The following CDC42EP2 variants were observed in gnomAD, a reference collection of about 807,000 sequenced individuals.
CDC42EP2 encodes CDC42 effector protein (Rho GTPase binding) 2.
CDC42EP2 carries 5 observed loss-of-function variants against 7.3 expected under a neutral mutation model. That is an observed-to-expected ratio of 0.68 (90% confidence interval 0.36 to 1.44). The LOEUF is 1.44. Among genes scored for constraint, CDC42EP2 ranks in the 40% most tolerant of loss-of-function variants. The pLI, the probability that CDC42EP2 is intolerant of heterozygous loss-of-function variation, is 0.04. For missense variants in CDC42EP2, 251 were observed against 282.6 expected, an observed-to-expected ratio of 0.89 and a Z score of 0.80; for synonymous variants, 113 against 123.6, an observed-to-expected ratio of 0.91 and a Z score of 0.57.
At chr11:65,320,437 C>T (rs551402485) in intron 1 of CDC42EP2, 107 bp from the exon 2 acceptor site, 2 of 159,332 alleles carry the variant, frequency 1.3e-5, no homozygotes, top group East Asian at 3.6e-4. Flanking sequence ...CGCCACTGCA[C>T]TCCAGCCTGG....
At position 65,321,756 on chromosome 11, in the gene CDC42EP2, C is replaced by T; in HGVS notation, c.*225C>T. On this transcript the variant is annotated 3_prime_UTR_variant, in exon 2 of 2. Coordinates refer to ENST00000279249, the MANE Select transcript of CDC42EP2 (RefSeq NM_006779.4). The surrounding 1 kb of genome is among the most constrained non-coding windows in gnomAD (Gnocchi z 4.4). ...CCACATGGACACATCCTGAAGTCAG[C>T]CCAGGCGCCCTGAGCATCTTGGGGC... The T allele has an allele frequency of 2.0e-6, 1 of 507,186 alleles. No homozygotes were observed. 31.4% of individuals were successfully genotyped at this position (507,186 alleles called of 1,614,324 possible).
At chr11:65,318,652 T>C (rs1365192707) in intron 1 of CDC42EP2, among the ~76,000 whole-genome samples, 1 of 151,850 alleles carries the variant, frequency 6.6e-6, no homozygotes, top group East Asian at 1.9e-4. Context: ...CTCGATCTCC[T>C]GACCTCATGA....
rs11333656 is a variant in CDC42EP2, at chr11:65,318,868, C to CTTTTTTTTTTT, written c.-355-1647_-355-1637dup. On this transcript the variant is annotated intron_variant, in intron 1 of 1. Transcript: ENST00000279249. ...TACAGAAGTGAGCCACTGCACCTGA[C>CTTTTTTTTTTT]TTTTTTTTTTTTTTTTTTTTTTTTT... Among the ~76,000 whole-genome samples the CTTTTTTTTTTT allele has an allele frequency of 8.2e-4, 21 of 25,580 alleles. 9 individuals carry two copies. Among genetic ancestry groups the CTTTTTTTTTTT allele is most frequent in the Non-Finnish European group, 1.3e-3 (16 of 12,460 alleles). The allele number at this position is 25,580 out of a possible 152,430, so 16.8% of individuals were successfully genotyped here. A position where few individuals can be genotyped will look rare whatever the true frequency, so the allele number is the denominator to read the frequency against.
rs1242356730 is a variant in CDC42EP2 at position 65,321,605 on chromosome 11, G to A, written c.*74G>A. The A allele has an allele frequency of 3.5e-6, 5 of 1,413,682 alleles. No individual in the cohort carries two copies. The Admixed American group carries it at 1.1e-4, about 31-fold the overall frequency. 87.6% of individuals were successfully genotyped at this position (1,413,682 alleles called of 1,614,324 possible). ...GTGGGGTGTGGACCCGGCCCTGGCGGCGGAGTCAGGGTCCCAAGATCCCAC... is the reference window on the plus strand; with the variant it reads ...GTGGGGTGTGGACCCGGCCCTGGCGACGGAGTCAGGGTCCCAAGATCCCAC... On this transcript the variant is annotated 3_prime_UTR_variant, in exon 2 of 2. Coordinates refer to ENST00000279249, the MANE Select transcript of CDC42EP2 (RefSeq NM_006779.4). The surrounding 1 kb of genome is among the most constrained non-coding windows in gnomAD (Gnocchi z 4.4).
chr11:65,318,144 G>C (rs1949956130), intron 1 of CDC42EP2, among the ~76,000 whole-genome samples: 1 of 151,600 alleles, frequency 6.6e-6, no homozygotes, highest in South Asian at 2.1e-4. Flanking sequence ...CACCCAGGCT[G>C]GAGTGCAGTG....
chr11:65,315,848 G>T lies in CDC42EP2; in HGVS notation c.-356+894G>T, dbSNP rs953962665. The stretch of plus-strand genomic sequence containing the variant: ...CTGCATCCTCGAGGTCTAGGAGGGC[G>T]GGAGGAGGTGGACGCCTGGGGTCAG... On this transcript the variant is annotated intron_variant, in intron 1 of 1. Transcript: ENST00000279249. The surrounding 1 kb of genome is among the most constrained non-coding windows in gnomAD (Gnocchi z 4.1). Among the ~76,000 whole-genome samples, 1 of 152,258 alleles carries T rather than the reference G, an allele frequency of 6.6e-6. No homozygotes were observed. The highest frequency in any genetic ancestry group is 2.4e-5 in the African/African-American group (1 of 41,472).
rs530654773 is a variant in CDC42EP2 at position 65,321,638 on chromosome 11, G to A, written c.*107G>A. The A allele has an allele frequency of 1.2e-5, 12 of 1,036,138 alleles. No individual in the cohort carries two copies. The South Asian group carries it at 1.4e-4, about 12-fold the overall frequency. 64.2% of individuals were successfully genotyped at this position (1,036,138 alleles called of 1,614,324 possible). On this transcript the variant is annotated 3_prime_UTR_variant, in exon 2 of 2. Transcript: ENST00000279249. This position sits in a 1 kb window ranked among gnomAD's most constrained non-coding sequence, Gnocchi z 4.4. Reference sequence around the variant, plus strand: ...AGGGTCCCAAGATCCCACCTGTATGGTCGCTGGCCAGTGATTCTCCTTCTG... The same window carrying A: ...AGGGTCCCAAGATCCCACCTGTATGATCGCTGGCCAGTGATTCTCCTTCTG...
At chr11:65,318,096 ATTTTTTTTAT>A (rs1186364042) in intron 1 of CDC42EP2, among the ~76,000 whole-genome samples, 2 of 139,754 alleles carry the variant, frequency 1.4e-5, no homozygotes, top group African/African-American at 2.7e-5. Context: ...TTTTTTTTTA[ATTTTTTTTAT>A]TTTTTTTGAG....
In CDC42EP2 at chr11:65,315,262, G is replaced by A. The variant is rs952600759; in HGVS notation, c.-356+308G>A. Among the ~76,000 whole-genome samples, 16 of 152,312 alleles carry A rather than the reference G, an allele frequency of 1.1e-4. No individual in the cohort carries two copies. Among genetic ancestry groups the A allele is most frequent in the African/African-American group, 2.9e-4 (12 of 41,586 alleles). ...TGCCCCGCCGCCCAGCATCCCCACC[G>A]GGGCTGGGGGCCGTATTTTTAGCCG... On this transcript the variant is annotated intron_variant, in intron 1 of 1. Transcript: ENST00000279249. This position sits in a 1 kb window ranked among gnomAD's most constrained non-coding sequence, Gnocchi z 4.1.
rs1949970350 is a variant in CDC42EP2, at chr11:65,320,881, C to G, written c.-18C>G. Reference sequence around the variant, plus strand: ...GGCGGCCCGTAGCCTCACAGCCAGGCCTGGTGGTGAGGTCACCATGTCCAC... The same window carrying G: ...GGCGGCCCGTAGCCTCACAGCCAGGGCTGGTGGTGAGGTCACCATGTCCAC... On this transcript the variant is annotated 5_prime_UTR_variant, in exon 2 of 2. Transcript: ENST00000279249. The G allele has an allele frequency of 6.3e-7, 1 of 1,582,732 alleles. No individual in the cohort carries two copies. Among genetic ancestry groups the G allele is most frequent in the South Asian group, 1.1e-5 (1 of 87,476 alleles).
At chr11:65,319,950 C>T (rs1590921509) in intron 1 of CDC42EP2, among the ~76,000 whole-genome samples, 1 of 152,148 alleles carries the variant, frequency 6.6e-6, no homozygotes, top group East Asian at 1.9e-4. Context: ...TGCCGGGGAC[C>T]CAGGGCAAGA....
Position 65,314,891 on chromosome 11 carries a change from G to C in CDC42EP2, c.-419G>C, listed in dbSNP as rs1949938350. ...GTAAGTTCACCGCCGGTCGGGTCCGGCCGCCGCGCTGTCCAGCTCCTGAGA... is the reference window on the plus strand; with the variant it reads ...GTAAGTTCACCGCCGGTCGGGTCCGCCCGCCGCGCTGTCCAGCTCCTGAGA... On this transcript the variant is annotated 5_prime_UTR_variant, in exon 1 of 2. Coordinates refer to ENST00000279249, the MANE Select transcript of CDC42EP2 (RefSeq NM_006779.4). 6.6e-6 allele frequency: 1 copy of C among 152,094 alleles called. No individual in the cohort carries two copies. The allele number at this position is 152,094 out of a possible 1,614,324, so 9.4% of individuals were successfully genotyped here.
At chr11:65,319,631 C>T (rs930178332) in intron 1 of CDC42EP2, among the ~76,000 whole-genome samples, 1 of 152,164 alleles carries the variant, frequency 6.6e-6, no homozygotes, top group African/African-American at 2.4e-5. Flanking sequence ...TCAGCCCCTA[C>T]CCATAAGGAA....
chr11:65,321,080 A>G lies in CDC42EP2; in HGVS notation c.182A>G (p.Lys61Arg), dbSNP rs146406596. 1.5e-5 allele frequency: 25 copies of G among 1,614,080 alleles called. No individual in the cohort carries two copies. The African/African-American group carries it at 2.3e-4, about 15-fold the overall frequency. The change falls in exon 2 of 2, where the codon AAG becomes AGG. Residue 61 changes from lysine to arginine, a missense_variant. Coordinates refer to ENST00000279249, the MANE Select transcript of CDC42EP2 (RefSeq NM_006779.4). This position sits in a 1 kb window ranked among gnomAD's most constrained non-coding sequence, Gnocchi z 4.4. ...GGCGACATCTCCTTCCTGCAGGGCA[A>G]GTTCCACCTCCTGCCGGGGACCATG... ...MFGDISFLQG[K>R]FHLLPGTMVE...
chr11:65,321,583 G>C lies in CDC42EP2; in HGVS notation c.*52G>C. On this transcript the variant is annotated 3_prime_UTR_variant, in exon 2 of 2. Transcript: ENST00000279249. This position sits in a 1 kb window ranked among gnomAD's most constrained non-coding sequence, Gnocchi z 4.4. ...CCAGGTGGGGCCCAGCCAGGAGGTG[G>C]GGTGTGGACCCGGCCCTGGCGGCGG... 1 of 1,530,312 alleles carries C rather than the reference G, an allele frequency of 6.5e-7. No individual in the cohort carries two copies. The highest frequency in any genetic ancestry group is 8.8e-7 in the Non-Finnish European group (1 of 1,131,028). 94.8% of individuals were successfully genotyped at this position (1,530,312 alleles called of 1,614,324 possible). A position where few individuals can be genotyped will look rare whatever the true frequency, so the allele number is the denominator to read the frequency against.
chr11:65,315,942 C>G lies in CDC42EP2; in HGVS notation c.-356+988C>G, dbSNP rs1282309473. On this transcript the variant is annotated intron_variant, in intron 1 of 1. Transcript: ENST00000279249. This position sits in a 1 kb window ranked among gnomAD's most constrained non-coding sequence, Gnocchi z 4.1. The stretch of plus-strand genomic sequence containing the variant: ...AATCGAAGTGCTTGAGGAAGGAAGG[C>G]CTTGTAGATATTTGCTGAATGAATG... Among the ~76,000 whole-genome samples the G allele has an allele frequency of 6.6e-6, 1 of 152,224 alleles. No homozygotes were observed. The highest frequency in any genetic ancestry group is 1.5e-5 in the Non-Finnish European group (1 of 68,042).
chr11:65,319,442 T>A (rs559882400), intron 1 of CDC42EP2, among the ~76,000 whole-genome samples: 3 of 152,202 alleles, frequency 2.0e-5, no homozygotes, highest in Non-Finnish European at 2.9e-5. Flanking sequence ...CACCTCTGAT[T>A]TTTAAATAGG....
Position 65,321,455 on chromosome 11 carries a change from A to C in CDC42EP2, c.557A>C (p.Asp186Ala). Reference sequence around the variant, plus strand: ...AGCTCCCTGCTGTCCCTGCACGTGGACCTGGGGCCTTCCATCCTGGATGAT... The same window carrying C: ...AGCTCCCTGCTGTCCCTGCACGTGGCCCTGGGGCCTTCCATCCTGGATGAT... ...NASSLLSLHV[D>A]LGPSILDDVL... The change falls in exon 2 of 2, where the codon GAC becomes GCC. Residue 186 changes from aspartate to alanine, a missense_variant. Transcript: ENST00000279249. The surrounding 1 kb of genome is among the most constrained non-coding windows in gnomAD (Gnocchi z 4.4). The C allele has an allele frequency of 6.2e-7, 1 of 1,613,694 alleles. No homozygotes were observed. The highest frequency in any genetic ancestry group is 2.2e-5 in the East Asian group (1 of 44,866).
chr11:65,319,533 C>T (rs1318691907), intron 1 of CDC42EP2, among the ~76,000 whole-genome samples: 1 of 152,102 alleles, frequency 6.6e-6, no homozygotes. Context: ...AGAGCAGAGG[C>T]CCCCTCAACT....
Sources: gnomAD v4.1 joint callset for allele counts (sites outside exome capture counted in the v4.1 genomes callset) on GRCh38, gnomAD v4.1.1 for gene constraint, Gnocchi (gnomAD v3.1) non-coding constraint, MANE v1.5 for transcripts, NCBI Gene and HGNC (gene_info 2026-07-23, HGNC 2026-07-21) for gene names.